MEGF11: variants seen among roughly 807,000 people sequenced by gnomAD.
MEGF11 encodes multiple epidermal growth factor-like domains protein 11.
MEGF11 carries 126 observed loss-of-function variants against 146.6 expected under a neutral mutation model. That is an observed-to-expected ratio of 0.86 (90% CI 0.74 to 1.00). The LOEUF (loss-of-function observed/expected upper bound fraction) is 1.00. Ranked by LOEUF, MEGF11 falls within the 50% of genes least tolerant of loss-of-function variation. MEGF11 has a pLI of 0.00. For synonymous variants in MEGF11, 532 were observed against 583.4 expected, an observed-to-expected ratio of 0.91 and a Z score of 1.27; for missense variants, 1,509 against 1,521.2, an observed-to-expected ratio of 0.99 and a Z score of 0.13.
At chr15:66,076,214 A>G (rs1256383534) in intron 5 of MEGF11, among the ~76,000 whole-genome samples, 1 of 148,356 alleles carries the variant, frequency 6.7e-6, no homozygotes, top group African/African-American at 2.5e-5. Flanking sequence ...GGATGGATGG[A>G]TGGATGGATG....
At position 66,110,052 on chromosome 15, in the gene MEGF11, T is replaced by C. The variant is rs73485589; in HGVS notation, c.301+9034A>G. On this transcript the variant is annotated intron_variant, in intron 4 of 25. Coordinates refer to ENST00000395614, the MANE Select transcript of MEGF11 (RefSeq NM_001385028.1). ...TGGCAGGGCCAAGGGAGAGACAGGA[T>C]GGTGGGTACAGAGTACTTGTACCAA... Among the ~76,000 whole-genome samples the C allele has an allele frequency of 2.8e-3, 429 of 152,236 alleles. 4 individuals carry two copies. Among genetic ancestry groups the C allele is most frequent in the African/African-American group, 9.7e-3 (403 of 41,538 alleles).
intron 7 of MEGF11, among the ~76,000 whole-genome samples, chr15:65,975,058 G>T (rs1204915080): frequency 6.6e-6 from 1 of 152,110 alleles, no homozygotes. Flanking sequence ...TGTTGGCCAG[G>T]CTGGTCTTGA....
chr15:66,203,626 G>C (rs909901013), intron 1 of MEGF11, among the ~76,000 whole-genome samples: 1 of 152,132 alleles, frequency 6.6e-6, no homozygotes, highest in African/African-American at 2.4e-5. Context: ...TCCCAGCTTT[G>C]ACCCCCTAAG....
At chr15:65,931,064 AAT>A in intron 10 of MEGF11, 121 bp from the exon 11 acceptor site, 1 of 1,209,504 alleles carries the variant, frequency 8.3e-7, no homozygotes, top group Non-Finnish European at 1.1e-6. Flanking sequence ...GGGATCTGTG[AAT>A]ATGTTACCTT....
chr15:66,184,712 C>T (rs931415205), intron 1 of MEGF11, among the ~76,000 whole-genome samples: 1 of 151,836 alleles, frequency 6.6e-6, no homozygotes, highest in Admixed American at 6.6e-5. Flanking sequence ...TCCACCCCTG[C>T]CTCGCTGACT....
chr15:66,242,045 G>C (rs1231610055), intron 1 of MEGF11, among the ~76,000 whole-genome samples: 4 of 152,186 alleles, frequency 2.6e-5, no homozygotes, highest in Non-Finnish European at 1.5e-5. Context: ...TAGATGTCCT[G>C]AATGCCTTTG....
intron 5 of MEGF11, among the ~76,000 whole-genome samples, chr15:66,024,632 T>C (rs968203506): frequency 1.3e-5 from 2 of 152,196 alleles, no homozygotes; most frequent in African/African-American, 2.4e-5. Flanking sequence ...ATCTTGCAGA[T>C]GTGAAAACTG....
chr15:66,006,487 C>T (rs2082524396), intron 5 of MEGF11, among the ~76,000 whole-genome samples: 1 of 152,208 alleles, frequency 6.6e-6, no homozygotes, highest in African/African-American at 2.4e-5. Context: ...TTCCCCCATT[C>T]TCCACATGTG....
intron 1 of MEGF11, among the ~76,000 whole-genome samples, chr15:66,152,101 C>G (rs1209558327): frequency 6.6e-6 from 1 of 152,242 alleles, no homozygotes; most frequent in African/African-American, 2.4e-5. Context: ...CTAGCACCAC[C>G]TTGCCCACCT....
chr15:66,061,639 G>A (rs1329008454), intron 5 of MEGF11, among the ~76,000 whole-genome samples: 2 of 26,546 alleles, frequency 7.5e-5, no homozygotes, highest in Non-Finnish European at 1.6e-4. Context: ...CTTTTTTTGA[G>A]CCTTTTTTTT....
At chr15:65,950,455 G>A (rs1324907602) in intron 10 of MEGF11, among the ~76,000 whole-genome samples, 1 of 152,064 alleles carries the variant, frequency 6.6e-6, no homozygotes, top group Non-Finnish European at 1.5e-5. Flanking sequence ...GCGTGCACCT[G>A]TAGACCCAGC....
At chr15:66,173,058 C>T (rs2090303874) in intron 1 of MEGF11, among the ~76,000 whole-genome samples, 1 of 152,174 alleles carries the variant, frequency 6.6e-6, no homozygotes, top group African/African-American at 2.4e-5. Flanking sequence ...TGTTGATGCA[C>T]CTCAAACGCC....
intron 5 of MEGF11, among the ~76,000 whole-genome samples, chr15:66,085,302 C>G (rs1165896093): frequency 6.6e-6 from 1 of 152,174 alleles, no homozygotes; most frequent in African/African-American, 2.4e-5. Context: ...CACCCACTAC[C>G]GGTCCCTCTC....
At chr15:66,204,272 C>T (rs773101967) in intron 1 of MEGF11, among the ~76,000 whole-genome samples, 8 of 152,066 alleles carry the variant, frequency 5.3e-5, no homozygotes, top group Non-Finnish European at 1.0e-4. Flanking sequence ...TGTTGGGGCA[C>T]ACACCTGTAG....
At chr15:66,221,615 CTTTA>C (rs2091740126) in intron 1 of MEGF11, among the ~76,000 whole-genome samples, 1 of 149,670 alleles carries the variant, frequency 6.7e-6, no homozygotes, top group Admixed American at 6.6e-5. Context: ...ACAGACCTCT[CTTTA>C]TTTGAGTATA....
At chr15:66,078,661 C>A (rs2085698820) in intron 5 of MEGF11, among the ~76,000 whole-genome samples, 1 of 152,200 alleles carries the variant, frequency 6.6e-6, no homozygotes, top group African/African-American at 2.4e-5. Flanking sequence ...GGAGACCCTG[C>A]CTGCAGGCTG....
Position 66,063,720 on chromosome 15 carries a change from G to A in MEGF11, c.394+30682C>T, listed in dbSNP as rs561582181. Among the ~76,000 whole-genome samples the A allele has an allele frequency of 2.0e-5, 3 of 152,298 alleles. No homozygotes were observed. The East Asian group carries it at 5.8e-4, about 29-fold the overall frequency. On this transcript the variant is annotated intron_variant, in intron 5 of 25. Coordinates refer to ENST00000395614, the MANE Select transcript of MEGF11 (RefSeq NM_001385028.1). ...CCCCCGAAATTTGGAGTATTTCTTA[G>A]CCTGCAAGCTCTCTACACTTGGGAG...
intron 15 of MEGF11, among the ~76,000 whole-genome samples, chr15:65,921,371 C>A (rs988624488): frequency 7.9e-5 from 12 of 152,204 alleles, no homozygotes; most frequent in Non-Finnish European, 1.6e-4. Flanking sequence ...CCCAGCCTAC[C>A]TTCTGAGCCC....
intron 10 of MEGF11, among the ~76,000 whole-genome samples, chr15:65,952,564 G>GTGT (rs1179479842): frequency 6.6e-6 from 1 of 152,130 alleles, no homozygotes; most frequent in Non-Finnish European, 1.5e-5. Context: ...GTTCACCCTG[G>GTGT]TGTTCTGTCT....
Sources: gnomAD v4.1 joint callset for allele counts (sites outside exome capture counted in the v4.1 genomes callset) on GRCh38, gnomAD v4.1.1 for gene constraint, MANE v1.5 for transcripts, NCBI Gene and HGNC (gene_info 2026-07-23, HGNC 2026-07-21) for gene names.